The following LGSN variants were observed in gnomAD, a reference collection of about 807,000 sequenced individuals.
LGSN encodes the protein lengsin.
In LGSN, 21 loss-of-function variants were observed where a neutral mutation model predicts 19.5. The ratio of observed to expected loss-of-function variants is 1.07; its 90% CI spans 0.76 to 1.55. The LOEUF (loss-of-function observed/expected upper bound fraction) is 1.55, where lower values mean the gene tolerates loss of function less well. Ranked by LOEUF, LGSN falls within the 40% of genes most tolerant of loss-of-function variation. The pLI is 0.00. For missense variants in LGSN, 673 were observed against 608.5 expected (o/e 1.11, Z -1.12); for synonymous variants, 257 against 215.6 (o/e 1.19, Z -1.68).
At chr6:63,324,932 C>G (rs1021141529), upstream of LGSN, among the ~76,000 whole-genome samples, 1 of 151,468 alleles carries the variant, frequency 6.6e-6, no homozygotes, top group African/African-American at 2.4e-5. Flanking sequence ...ATGGTGAAAC[C>G]CCGTCCCTAC....
chr6:63,432,782 C>A, the LGSN span, among the ~76,000 whole-genome samples: 1 of 151,752 alleles, frequency 6.6e-6, no homozygotes, highest in South Asian at 2.1e-4. Context: ...CAGCCTTAAA[C>A]CCAAAAGATT....
chr6:63,297,178 A>G (rs1407474973), intron 1 of LGSN, among the ~76,000 whole-genome samples: 1 of 151,910 alleles, frequency 6.6e-6, no homozygotes, highest in Non-Finnish European at 1.5e-5. Flanking sequence ...CATCTCTACT[A>G]AAAATACAAA....
At chr6:63,374,279 T>C in the LGSN span, among the ~76,000 whole-genome samples, 241 of 152,300 alleles carry the variant, frequency 1.6e-3, no homozygotes, top group African/African-American at 5.5e-3. Flanking sequence ...TTTCTGAAAG[T>C]AGGCAATTAT....
chr6:63,494,698 A>G, the LGSN span, among the ~76,000 whole-genome samples: 1 of 152,198 alleles, frequency 6.6e-6, no homozygotes, highest in African/African-American at 2.4e-5. Context: ...TTGAGCTCAC[A>G]CAATCCTCCC....
chr6:63,355,420 AAG>A, the LGSN span, among the ~76,000 whole-genome samples: 1 of 152,216 alleles, frequency 6.6e-6, no homozygotes, highest in Admixed American at 6.5e-5. Flanking sequence ...GAACAACAAA[AAG>A]AGTACATCCT....
chr6:63,331,721 T>C, the LGSN span, among the ~76,000 whole-genome samples: 447 of 152,172 alleles, frequency 2.9e-3, 2 homozygotes, highest in African/African-American at 0.01. Context: ...AGCAGAAACA[T>C]TAGTTTTCCT....
At chr6:63,490,493 C>T in the LGSN span, among the ~76,000 whole-genome samples, 3 of 152,168 alleles carry the variant, frequency 2.0e-5, no homozygotes, top group Non-Finnish European at 4.4e-5. Context: ...AATTTTGCCA[C>T]ATGACATGGA....
At chr6:63,367,205 A>G in the LGSN span, among the ~76,000 whole-genome samples, 10 of 152,252 alleles carry the variant, frequency 6.6e-5, no homozygotes, top group African/African-American at 2.4e-4. Context: ...ACAAAGGGCT[A>G]ATATCCAGAA....
the LGSN span, among the ~76,000 whole-genome samples, chr6:63,452,054 C>CTTTTTTTTTTTTTTTT: frequency 7.6e-6 from 1 of 131,790 alleles, no homozygotes; most frequent in Non-Finnish European, 1.6e-5. Flanking sequence ...GTTTTCTTGT[C>CTTTTTTTTTTTTTTTT]TTTTTTTTTT....
At chr6:63,392,947 C>T in the LGSN span, among the ~76,000 whole-genome samples, 1 of 137,786 alleles carries the variant, frequency 7.3e-6, no homozygotes, top group East Asian at 2.1e-4. Flanking sequence ...AGTGCAGTGG[C>T]GCAATCTCTG....
At chr6:63,351,878 G>A in the LGSN span, among the ~76,000 whole-genome samples, 1 of 152,128 alleles carries the variant, frequency 6.6e-6, no homozygotes, top group Non-Finnish European at 1.5e-5. Context: ...ATACTGTATA[G>A]TCTTTTTAAA....
the LGSN span, among the ~76,000 whole-genome samples, chr6:63,560,694 G>A: frequency 1.3e-5 from 2 of 151,988 alleles, no homozygotes; most frequent in Non-Finnish European, 2.9e-5. Context: ...GTGAGCCACC[G>A]CACCCAGCCA....
chr6:63,471,623 G>A, the LGSN span, among the ~76,000 whole-genome samples: 2 of 149,910 alleles, frequency 1.3e-5, no homozygotes, highest in African/African-American at 4.9e-5. Flanking sequence ...TGAGATCACC[G>A]CCACTGCACT....
At chr6:63,460,040 G>A in the LGSN span, among the ~76,000 whole-genome samples, 1 of 149,168 alleles carries the variant, frequency 6.7e-6, no homozygotes, top group African/African-American at 2.5e-5. Flanking sequence ...CTCCTTCTGG[G>A]CCTTTTCCAC....
At chr6:63,336,875 C>T in the LGSN span, among the ~76,000 whole-genome samples, 1 of 151,804 alleles carries the variant, frequency 6.6e-6, no homozygotes, top group East Asian at 2.0e-4. Flanking sequence ...GCTGGGATTG[C>T]AGGCGTGAAC....
the LGSN span, chr6:63,550,209 A>C: frequency 2.0e-5 from 3 of 152,194 alleles, no homozygotes; most frequent in Admixed American, 1.3e-4. Context: ...GATTCAAAAC[A>C]AAATGCTTCA....
rs938074212 is a variant in LGSN, at chr6:63,276,276, GT to G, written c.*3744del. 5.3e-5 allele frequency: 8 copies of G among 152,142 alleles called. No individual in the cohort carries two copies. Among genetic ancestry groups the G allele is most frequent in the African/African-American group, 1.9e-4 (8 of 41,442 alleles). The allele number at this position is 152,142 out of a possible 1,614,324, so 9.4% of individuals were successfully genotyped here. ...GCTTTCAATTTTTATTCAGATTAAA[GT>G]TTTTTGATCTTTCATTGCCTTCAAA... On this transcript the variant is annotated 3_prime_UTR_variant, in exon 4 of 4. Coordinates refer to ENST00000370657, the MANE Select transcript of LGSN (RefSeq NM_016571.3).
the LGSN span, among the ~76,000 whole-genome samples, chr6:63,518,560 G>C: frequency 1.3e-5 from 2 of 152,262 alleles, no homozygotes; most frequent in South Asian, 2.1e-4. Flanking sequence ...GTAGGTATCA[G>C]TCAGTATTTT....
At chr6:63,464,026 G>A in the LGSN span, among the ~76,000 whole-genome samples, 37 of 152,018 alleles carry the variant, frequency 2.4e-4, no homozygotes, top group East Asian at 6.6e-3. Context: ...AGTTAGGGAA[G>A]GGAGCATAAA....
Sources: allele counts gnomAD v4.1 joint callset (sites outside exome capture counted in the v4.1 genomes callset), GRCh38; gene constraint gnomAD v4.1.1; transcripts MANE v1.5; gene names NCBI Gene and HGNC (gene_info 2026-07-23, HGNC 2026-07-21).